The following TANGO6 variants were observed in gnomAD, a reference collection of about 807,000 sequenced individuals.
TANGO6 encodes the protein transport and golgi organization 6 homolog, also known as transport and Golgi organization protein 6 homolog.
In TANGO6, 90 loss-of-function variants were observed where a neutral mutation model predicts 114.2. That is an observed-to-expected ratio of 0.79 (90% CI 0.66 to 0.94). The LOEUF (loss-of-function observed/expected upper bound fraction) is 0.94, where lower values mean the gene tolerates loss of function less well. Among genes scored for constraint, TANGO6 ranks in the 40% least tolerant of loss-of-function variants. TANGO6 has a pLI of 0.00. For synonymous variants in TANGO6, 477 were observed against 509.8 expected (o/e 0.94, Z 0.87); for missense variants, 1,274 against 1,315.3 (o/e 0.97, Z 0.49).
At chr16:68,940,827 G>C (rs1238732620) in intron 14 of TANGO6, among the ~76,000 whole-genome samples, 1 of 152,080 alleles carries the variant, frequency 6.6e-6, no homozygotes, top group Non-Finnish European at 1.5e-5. Flanking sequence ...GTATATTATA[G>C]CTTTCTTTTG....
At chr16:68,892,319 C>A (rs1219436564) in intron 7 of TANGO6, among the ~76,000 whole-genome samples, 1 of 152,160 alleles carries the variant, frequency 6.6e-6, no homozygotes, top group Non-Finnish European at 1.5e-5. Flanking sequence ...CTGGCTGGAT[C>A]TGCGAAAGAA....
intron 17 of TANGO6, among the ~76,000 whole-genome samples, chr16:69,046,397 G>A (rs1959859032): frequency 6.6e-6 from 1 of 151,066 alleles, no homozygotes; most frequent in African/African-American, 2.4e-5. Context: ...TCGGCTCACT[G>A]CAACGTCTGC....
chr16:69,082,865 A>G (rs947170390), intron 17 of TANGO6, among the ~76,000 whole-genome samples: 1 of 152,086 alleles, frequency 6.6e-6, no homozygotes, highest in African/African-American at 2.4e-5. Context: ...GAGCAACCAT[A>G]TCTGGGCAGT....
At chr16:68,870,731 C>T (rs369113087) in intron 4 of TANGO6, among the ~76,000 whole-genome samples, 41 of 151,460 alleles carry the variant, frequency 2.7e-4, no homozygotes, top group African/African-American at 8.7e-4. Flanking sequence ...ATCAAAATTT[C>T]AGTGCAAACT....
At chr16:68,988,688 CTCTCTTTTTTTTT>C (rs1963919382) in intron 15 of TANGO6, among the ~76,000 whole-genome samples, 1 of 139,322 alleles carries the variant, frequency 7.2e-6, no homozygotes, top group African/African-American at 2.8e-5. Flanking sequence ...TAAGTTCTCT[CTCTCTTTTTTTTT>C]TTTTTTTTTT....
rs372191462 is a variant in TANGO6 at position 68,880,598 on chromosome 16, G to T, written c.1345G>T (p.Glu449Ter). ...VPGTILVTEE[E>*]LSRCIEDVFK... ...AGGAACTATTTTGGTGACAGAAGAA[G>T]AACTTAGTAGATGCATTGAGGATGT... is the stretch of plus-strand genomic sequence containing the variant. The change falls in exon 7 of 18, where the codon GAA (glutamate) becomes TAA (stop). Residue 449 changes from glutamate (E) to a stop codon, truncating the protein, a stop_gained. Coordinates refer to ENST00000261778, the MANE Select transcript of TANGO6 (RefSeq NM_024562.2). LOFTEE classifies it high-confidence loss of function. The T allele has an allele frequency of 1.2e-6, 2 of 1,612,636 alleles. No homozygotes were observed. Among genetic ancestry groups the T allele is most frequent in the Non-Finnish European group, 1.7e-6 (2 of 1,179,290 alleles).
At chr16:68,896,179 G>A (rs1221583861) in intron 7 of TANGO6, among the ~76,000 whole-genome samples, 1 of 151,912 alleles carries the variant, frequency 6.6e-6, no homozygotes, top group Non-Finnish European at 1.5e-5. Context: ...GCTAGTTTTT[G>A]CATTTTTAGT....
At position 68,980,383 on chromosome 16, in the gene TANGO6, T is replaced by TCTCTC. The variant is rs1555526453; in HGVS notation, c.2842+6215_2842+6216insCTCTC. Reference sequence around the variant, plus strand: ...TGAGTATGAATCTATCTGTCTGTCATTCTCTCTCTCTCTCTCTCTCTCTCT... The same window carrying TCTCTC: ...TGAGTATGAATCTATCTGTCTGTCATCTCTCTCTCTCTCTCTCTCTCTCTCTCTCT... On this transcript the variant is annotated intron_variant, in intron 15 of 17. Transcript: ENST00000261778. Among the ~76,000 whole-genome samples the TCTCTC allele has an allele frequency of 9.3e-3, 341 of 36,740 alleles. 7 individuals carry two copies. Among genetic ancestry groups the TCTCTC allele is most frequent in the African/African-American group, 0.031 (287 of 9,342 alleles). 24.1% of individuals were successfully genotyped at this position (36,740 alleles called of 152,430 possible).
intron 17 of TANGO6, among the ~76,000 whole-genome samples, chr16:69,047,330 A>G (rs1435917354): frequency 2.6e-5 from 4 of 152,238 alleles, no homozygotes; most frequent in Admixed American, 2.6e-4. Flanking sequence ...CCCTATCTCT[A>G]CTGAAAATAC....
intron 14 of TANGO6, among the ~76,000 whole-genome samples, chr16:68,953,303 G>A (rs1963493077): frequency 6.6e-6 from 1 of 152,000 alleles, no homozygotes; most frequent in Admixed American, 6.6e-5. Context: ...GGCTGATCTC[G>A]AATTCCTGAC....
chr16:69,067,518 C>CAAA (rs1199698790), intron 17 of TANGO6, among the ~76,000 whole-genome samples: 3 of 43,706 alleles, frequency 6.9e-5, no homozygotes, highest in Admixed American at 3.2e-4. Flanking sequence ...AACTCCATCT[C>CAAA]AAAAAAAAAA....
At chr16:68,876,165 T>C (rs1233082369) in intron 5 of TANGO6, among the ~76,000 whole-genome samples, 2 of 119,494 alleles carry the variant, frequency 1.7e-5, no homozygotes, top group East Asian at 5.2e-4. Flanking sequence ...TTAATGCTAA[T>C]TTTTTTTTTT....
At chr16:68,899,256 G>A (rs1376372207) in intron 7 of TANGO6, among the ~76,000 whole-genome samples, 18 of 152,014 alleles carry the variant, frequency 1.2e-4, no homozygotes, top group Admixed American at 1.2e-3. Context: ...CTGGGTGAGA[G>A]AGACCATATC....
intron 7 of TANGO6, among the ~76,000 whole-genome samples, chr16:68,883,235 G>A (rs1231524953): frequency 6.6e-6 from 1 of 152,006 alleles, no homozygotes; most frequent in East Asian, 1.9e-4. Flanking sequence ...AAAGTGTACA[G>A]GCATGCCTGT....
chr16:69,042,695 A>G (rs990180098), intron 17 of TANGO6, among the ~76,000 whole-genome samples: 1 of 152,188 alleles, frequency 6.6e-6, no homozygotes, highest in Non-Finnish European at 1.5e-5. Context: ...GTATAATTAA[A>G]TAAATTGCTA....
At chr16:69,083,169 C>T (rs1459970877) in intron 17 of TANGO6, among the ~76,000 whole-genome samples, 1 of 150,848 alleles carries the variant, frequency 6.6e-6, no homozygotes, top group Non-Finnish European at 1.5e-5. Context: ...AGATGATCCT[C>T]CCAACCCCAG....
chr16:69,073,422 G>A (rs1960325035), intron 17 of TANGO6, among the ~76,000 whole-genome samples: 1 of 152,192 alleles, frequency 6.6e-6, no homozygotes, highest in South Asian at 2.1e-4. Context: ...CTCCATGTGG[G>A]GTGTGTGTAC....
chr16:69,059,128 G>T (rs898365166), intron 17 of TANGO6, among the ~76,000 whole-genome samples: 1 of 150,322 alleles, frequency 6.7e-6, no homozygotes, highest in Non-Finnish European at 1.5e-5. Context: ...AGGCTGGAGT[G>T]CATTGGCGCT....
intron 17 of TANGO6, among the ~76,000 whole-genome samples, chr16:69,070,766 ATTATT>A (rs1401860805): frequency 6.8e-6 from 1 of 147,672 alleles, no homozygotes; most frequent in Non-Finnish European, 1.5e-5. Flanking sequence ...TATTATTATT[ATTATT>A]ATTATTATTA....
Sources: gnomAD v4.1 joint callset for allele counts (sites outside exome capture counted in the v4.1 genomes callset) on GRCh38, gnomAD v4.1.1 for gene constraint, MANE v1.5 for transcripts, NCBI Gene and HGNC (gene_info 2026-07-23, HGNC 2026-07-21) for gene names.